The following B4GALT1 variants were observed in gnomAD, a reference collection of about 807,000 sequenced individuals.
The protein encoded by B4GALT1 is beta-1,4-galactosyltransferase 1.
A neutral mutation model predicts 34.9 loss-of-function variants in B4GALT1; 16 were observed. The observed-to-expected ratio is 0.46, with a 90% CI of 0.31 to 0.70. B4GALT1 has a LOEUF of 0.70. Among genes scored for constraint, B4GALT1 ranks in the 30% least tolerant of loss-of-function variants. The pLI is 0.05. For missense variants in B4GALT1, 445 were observed against 530.5 expected, an observed-to-expected ratio of 0.84 and a Z score of 1.58; for synonymous variants, 221 against 218.1, an observed-to-expected ratio of 1.01 and a Z score of -0.12.
At position 33,156,723 on chromosome 9, in the gene B4GALT1, G is replaced by A. The variant is rs79663656; in HGVS notation, c.412+10035C>T. On this transcript the variant is annotated intron_variant, in intron 1 of 5. Coordinates refer to ENST00000379731, the MANE Select transcript of B4GALT1 (RefSeq NM_001497.4). ...ATCCACATGAGTTAAATGATCAGGC[G>A]CCCAGGCTAGCCCAACAGAATATAA... Among the ~76,000 whole-genome samples the A allele has an allele frequency of 4.1e-4, 63 of 152,210 alleles. No individual in the cohort carries two copies. The East Asian group carries it at 7.9e-3, about 19-fold the overall frequency.
chr9:33,135,156 C>T (rs181853075), intron 2 of B4GALT1, 33 bp downstream of exon 2: 42 of 1,583,020 alleles, frequency 2.7e-5, no homozygotes, highest in Non-Finnish European at 3.5e-5. Flanking sequence ...CATGCACACA[C>T]ACCCTCTCTC....
downstream of B4GALT1, among the ~76,000 whole-genome samples, chr9:33,108,099 G>A (rs589733): frequency 0.98 from 149,757 of 152,328 alleles, 73,661 homozygotes; most frequent in East Asian, 1. Context: ...TTAAACAAGC[G>A]TAACACTTGT....
At chr9:33,115,370 CCA>C (rs1422376407) in intron 4 of B4GALT1, among the ~76,000 whole-genome samples, 1 of 152,140 alleles carries the variant, frequency 6.6e-6, no homozygotes, top group Non-Finnish European at 1.5e-5. Context: ...GCCTCTACAG[CCA>C]GAGGACTGAG....
chr9:33,105,880 GTTTTTTTTTT>G (rs35330697), downstream of B4GALT1, among the ~76,000 whole-genome samples: 6 of 85,732 alleles, frequency 7.0e-5, no homozygotes, highest in Admixed American at 5.0e-4. Flanking sequence ...GGACTCGTGG[GTTTTTTTTTT>G]TTTTTTTTTT....
intron 1 of B4GALT1, among the ~76,000 whole-genome samples, chr9:33,164,071 C>T (rs1419425722): frequency 6.6e-6 from 1 of 152,232 alleles, no homozygotes; most frequent in African/African-American, 2.4e-5. Context: ...GCAGTCCAAT[C>T]CGGTGCCTTA....
chr9:33,128,272 G>T (rs999679027), intron 2 of B4GALT1, among the ~76,000 whole-genome samples: 1 of 152,176 alleles, frequency 6.6e-6, no homozygotes, highest in East Asian at 1.9e-4. Context: ...AAAGAGAAAA[G>T]GGTGGATGCA....
chr9:33,127,017 A>C (rs1195299766), intron 2 of B4GALT1, among the ~76,000 whole-genome samples: 2 of 152,134 alleles, frequency 1.3e-5, no homozygotes, highest in African/African-American at 4.8e-5. Flanking sequence ...GCTGGAGTGC[A>C]GTGGCGCGAT....
chr9:33,163,933 A>G (rs1456986190), intron 1 of B4GALT1, among the ~76,000 whole-genome samples: 1 of 152,158 alleles, frequency 6.6e-6, no homozygotes. Context: ...ATTAGCCCAG[A>G]GCAGGGTGCC....
chr9:33,136,430 G>C lies in B4GALT1; in HGVS notation c.413-1006C>G, dbSNP rs75077629. On this transcript the variant is annotated intron_variant, in intron 1 of 5. Transcript: ENST00000379731. ...AGTCAAGAGCCAAGGCTTGAACCCA[G>C]GCTCCCCATACTCTCTGCAGACCAG... Among the ~76,000 whole-genome samples the C allele has an allele frequency of 7.1e-3, 1,081 of 152,250 alleles. 16 individuals are homozygous for C. Among genetic ancestry groups the C allele is most frequent in the African/African-American group, 0.025 (1,048 of 41,530 alleles).
chr9:33,164,859 A>G (rs368138355), intron 1 of B4GALT1, among the ~76,000 whole-genome samples: 1 of 150,486 alleles, frequency 6.6e-6, no homozygotes, highest in Non-Finnish European at 1.5e-5. Flanking sequence ...CTCCCCCTTC[A>G]CTCTGCTGTG....
At chr9:33,127,486 T>C (rs1840129752) in intron 2 of B4GALT1, among the ~76,000 whole-genome samples, 3 of 152,234 alleles carry the variant, frequency 2.0e-5, no homozygotes, top group South Asian at 4.1e-4. Context: ...ACTATAAAAA[T>C]GTGTAAACCA....
chr9:33,131,380 A>G (rs1840191845), intron 2 of B4GALT1, among the ~76,000 whole-genome samples: 1 of 152,240 alleles, frequency 6.6e-6, no homozygotes, highest in Non-Finnish European at 1.5e-5. Context: ...TGGGAAGCCA[A>G]GGAAGTGGAA....
chr9:33,140,751 C>T (rs1255989937), intron 1 of B4GALT1, among the ~76,000 whole-genome samples: 2 of 152,166 alleles, frequency 1.3e-5, no homozygotes, highest in African/African-American at 4.8e-5. Flanking sequence ...GTGGATGGGC[C>T]GCTTCTCTCT....
the B4GALT1 span, among the ~76,000 whole-genome samples, chr9:33,175,357 T>G: frequency 3.3e-5 from 5 of 151,906 alleles, no homozygotes; most frequent in Admixed American, 6.6e-5. Context: ...GGATGACCAG[T>G]GAAACTTGGA....
chr9:33,118,641 G>A (rs1300425224), intron 3 of B4GALT1, among the ~76,000 whole-genome samples: 1 of 151,796 alleles, frequency 6.6e-6, no homozygotes, highest in Non-Finnish European at 1.5e-5. Context: ...CTGCACTCCA[G>A]GCTGGGTGAC....
At chr9:33,124,929 A>G (rs529542186) in intron 2 of B4GALT1, among the ~76,000 whole-genome samples, 43 of 152,326 alleles carry the variant, frequency 2.8e-4, no homozygotes, top group African/African-American at 1.0e-3. Flanking sequence ...AATGCGTAGG[A>G]AGTCACGCTT....
chr9:33,162,650 G>A (rs1327210761), intron 1 of B4GALT1, among the ~76,000 whole-genome samples: 1 of 152,212 alleles, frequency 6.6e-6, no homozygotes, highest in Non-Finnish European at 1.5e-5. Flanking sequence ...AAGAGCACTA[G>A]ACAATCCCAT....
chr9:33,147,822 C>T (rs1431078374), intron 1 of B4GALT1, among the ~76,000 whole-genome samples: 1 of 152,042 alleles, frequency 6.6e-6, no homozygotes, highest in Non-Finnish European at 1.5e-5. Flanking sequence ...TGCTTGAGGC[C>T]AGGAGTTCAA....
chr9:33,113,252 A>G lies in B4GALT1; in HGVS notation c.*202T>C, dbSNP rs931131003. The G allele has an allele frequency of 2.9e-6, 2 of 692,536 alleles. No homozygotes were observed. The highest frequency in any genetic ancestry group is 3.5e-5 in the African/African-American group (2 of 56,536). The allele number at this position is 692,536 out of a possible 1,614,324, so 42.9% of individuals were successfully genotyped here. On this transcript the variant is annotated 3_prime_UTR_variant, in exon 6 of 6. Transcript: ENST00000379731. ...CCGCAAAGGCATAAACACCTTGCAG[A>G]GCTAAGAATTCACATGCCGAGCCAA...
Sources: allele counts gnomAD v4.1 joint callset (sites outside exome capture counted in the v4.1 genomes callset), GRCh38; gene constraint gnomAD v4.1.1; transcripts MANE v1.5; gene names NCBI Gene and HGNC (gene_info 2026-07-23, HGNC 2026-07-21).